MSRA: variants seen among roughly 807,000 people sequenced by gnomAD.
The protein encoded by MSRA is methionine sulfoxide reductase A.
MSRA carries 54 observed loss-of-function variants against 31.3 expected under a neutral mutation model. The observed-to-expected ratio is 1.73, with a 90% CI of 1.39 to 2.17. MSRA has a LOEUF of 2.17. MSRA is among the 30% of genes most tolerant of loss of function. MSRA has a pLI of 0.00. For synonymous variants in MSRA, 169 were observed against 116.5 expected (o/e 1.45, Z -2.90); for missense variants, 507 against 300.9 (o/e 1.69, Z -5.07).
At chr8:10,164,531 T>G (rs528402351) in intron 1 of MSRA, among the ~76,000 whole-genome samples, 2 of 152,318 alleles carry the variant, frequency 1.3e-5, no homozygotes, top group African/African-American at 4.8e-5. Flanking sequence ...AAGAAAAAAT[T>G]AAATATTTAA....
At chr8:10,287,508 A>G (rs1046820882) in intron 3 of MSRA, among the ~76,000 whole-genome samples, 2 of 152,200 alleles carry the variant, frequency 1.3e-5, no homozygotes, top group Non-Finnish European at 2.9e-5. Flanking sequence ...AGTCCAGTGC[A>G]GAGTTCGGAA....
intron 4 of MSRA, among the ~76,000 whole-genome samples, chr8:10,316,585 C>T (rs10087391): frequency 0.16 from 23,536 of 148,246 alleles, 2,316 homozygotes; most frequent in African/African-American, 0.26. Context: ...CTTCCTCCTC[C>T]TCTTCTCCCC....
chr8:10,164,882 G>C (rs1332425980), intron 1 of MSRA, among the ~76,000 whole-genome samples: 2 of 152,100 alleles, frequency 1.3e-5, no homozygotes, highest in African/African-American at 4.8e-5. Context: ...ATAAAAATTA[G>C]CCTGGTGTTG....
At chr8:10,210,874 C>T (rs367932972) in intron 2 of MSRA, among the ~76,000 whole-genome samples, 4 of 151,708 alleles carry the variant, frequency 2.6e-5, no homozygotes, top group African/African-American at 9.7e-5. Context: ...GCTGGGATTA[C>T]AGGTGTGCAT....
chr8:10,235,749 T>A (rs1437887715), intron 2 of MSRA, among the ~76,000 whole-genome samples: 3 of 152,198 alleles, frequency 2.0e-5, no homozygotes, highest in African/African-American at 7.2e-5. Context: ...ACAAATAATT[T>A]TTTTTCTAAT....
At position 10,190,741 on chromosome 8, in the gene MSRA, A is replaced by G. The variant is rs1225466741; in HGVS notation, c.143-17092A>G. Among the ~76,000 whole-genome samples the G allele has an allele frequency of 3.3e-5, 5 of 152,208 alleles. 1 individual carries two copies. The highest frequency in any genetic ancestry group is 7.3e-5 in the Non-Finnish European group (5 of 68,048). On this transcript the variant is annotated intron_variant, in intron 1 of 5. Transcript: ENST00000317173. The stretch of plus-strand genomic sequence containing the variant: ...GGTTATCCAAAAATTTCTTGTAAGC[A>G]GTATCTGAGTTGAGACTTCTGTGAC...
At chr8:10,171,595 A>G (rs1429162783) in intron 1 of MSRA, among the ~76,000 whole-genome samples, 2 of 152,218 alleles carry the variant, frequency 1.3e-5, no homozygotes, top group East Asian at 1.9e-4. Flanking sequence ...TCAGTGACCA[A>G]GTTGCTGCAC....
intron 3 of MSRA, among the ~76,000 whole-genome samples, chr8:10,249,787 T>C (rs2129085435): frequency 6.6e-6 from 1 of 152,326 alleles, no homozygotes; most frequent in East Asian, 1.9e-4. Flanking sequence ...CACTGTTTTG[T>C]ACCTAAAATG....
At chr8:10,254,313 C>T (rs999493035) in intron 3 of MSRA, among the ~76,000 whole-genome samples, 11 of 152,170 alleles carry the variant, frequency 7.2e-5, no homozygotes, top group African/African-American at 1.2e-4. Flanking sequence ...TCTTTCTTGA[C>T]GTTTCCTCTT....
At chr8:10,232,490 A>C (rs1457569456) in intron 2 of MSRA, among the ~76,000 whole-genome samples, 1 of 152,222 alleles carries the variant, frequency 6.6e-6, no homozygotes, top group Non-Finnish European at 1.5e-5. Flanking sequence ...GCCTTTCATG[A>C]GTGCGGAAGA....
At chr8:10,327,529 A>C (rs1190683305) in intron 5 of MSRA, among the ~76,000 whole-genome samples, 3 of 152,224 alleles carry the variant, frequency 2.0e-5, no homozygotes, top group African/African-American at 7.2e-5. Flanking sequence ...TTGCAGCCAG[A>C]TATTTAGTGA....
At chr8:10,083,624 C>T (rs981527951) in intron 1 of MSRA, among the ~76,000 whole-genome samples, 1 of 152,146 alleles carries the variant, frequency 6.6e-6, no homozygotes, top group East Asian at 1.9e-4. Flanking sequence ...AGTTCCAGAT[C>T]ATTTGTTTTT....
intron 5 of MSRA, among the ~76,000 whole-genome samples, chr8:10,321,653 A>G (rs554387093): frequency 3.7e-4 from 57 of 152,216 alleles, no homozygotes; most frequent in Non-Finnish European, 7.6e-4. Flanking sequence ...AGGTCATTAA[A>G]AGATTGTGGC....
intron 1 of MSRA, among the ~76,000 whole-genome samples, chr8:10,145,565 C>T (rs374026814): frequency 6.6e-6 from 1 of 152,190 alleles, no homozygotes; most frequent in East Asian, 1.9e-4. Context: ...ACTCCATCCA[C>T]GGGGCGGGTG....
At chr8:10,370,932 A>G (rs890422430) in intron 5 of MSRA, among the ~76,000 whole-genome samples, 2 of 152,186 alleles carry the variant, frequency 1.3e-5, no homozygotes, top group African/African-American at 4.8e-5. Context: ...GTGCTGTCAC[A>G]CACGCTCGTG....
rs1805343599 is a variant in MSRA, at chr8:10,369,264, A to AC, written c.543+49276dup. 2.6e-5 allele frequency among the ~76,000 whole-genome samples: 4 copies of AC among 151,666 alleles called. No individual in the cohort carries two copies. The South Asian group carries it at 8.3e-4, about 31-fold the overall frequency. On this transcript the variant is annotated intron_variant, in intron 5 of 5. Coordinates refer to ENST00000317173, the MANE Select transcript of MSRA (RefSeq NM_012331.5). ...ATAGAGTTCTTTAAAAAAAAAAAAA[A>AC]CGAAGAAGAAATTATCTGTCTCCTC...
At chr8:10,220,371 G>T (rs1013655491) in intron 2 of MSRA, among the ~76,000 whole-genome samples, 1 of 152,098 alleles carries the variant, frequency 6.6e-6, no homozygotes, top group Admixed American at 6.5e-5. Flanking sequence ...ATGATAATAT[G>T]GAAATAATCA....
At chr8:10,062,989 C>T (rs138220685) in intron 1 of MSRA, among the ~76,000 whole-genome samples, 6 of 152,176 alleles carry the variant, frequency 3.9e-5, no homozygotes, top group Non-Finnish European at 7.4e-5. Flanking sequence ...TCTTCTCTCA[C>T]GCTTCCAACC....
chr8:10,284,198 C>CT (rs1799809265), intron 3 of MSRA, among the ~76,000 whole-genome samples: 1 of 151,892 alleles, frequency 6.6e-6, no homozygotes, highest in East Asian at 1.9e-4. Flanking sequence ...ATTATTATTA[C>CT]TTTTTTTTGA....
Sources: gnomAD v4.1 joint callset for allele counts (sites outside exome capture counted in the v4.1 genomes callset) on GRCh38, gnomAD v4.1.1 for gene constraint, MANE v1.5 for transcripts, NCBI Gene and HGNC (gene_info 2026-07-23, HGNC 2026-07-21) for gene names.